The following PHF10 variants were observed in gnomAD, a reference collection of about 807,000 sequenced individuals.
PHF10 encodes the protein PHD finger protein 10.
PHF10 carries 51 observed loss-of-function variants against 68.5 expected under a neutral mutation model. That is an observed-to-expected ratio of 0.74 (90% CI 0.59 to 0.94). PHF10 has a LOEUF of 0.94. Ranked by LOEUF, PHF10 falls within the 40% of genes least tolerant of loss-of-function variation. PHF10 has a pLI of 0.00. For synonymous variants in PHF10, 204 were observed against 203.5 expected (o/e 1.00, Z -0.02); for missense variants, 460 against 602.6 (o/e 0.76, Z 2.48).
intron 9 of PHF10, chr6:169,709,160 C>G (rs1404307130): frequency 2.0e-5 from 3 of 150,814 alleles, no homozygotes; most frequent in African/African-American, 7.3e-5. Flanking sequence ...GCTTTTTTTA[C>G]TTGAAGAAAG....
rs899656396 is a variant in PHF10 at position 169,723,889 on chromosome 6, G to A, written c.43C>T (p.Pro15Ser). 9.2e-7 allele frequency: 1 copy of A among 1,090,664 alleles called. No homozygotes were observed. Among genetic ancestry groups the A allele is most frequent in the Non-Finnish European group, 1.1e-6 (1 of 895,260 alleles). 67.6% of individuals were successfully genotyped at this position (1,090,664 alleles called of 1,614,324 possible). A position where few individuals can be genotyped will look rare whatever the true frequency, so the allele number is the denominator to read the frequency against. Residue 15 changes from proline (P) to serine (S), a missense_variant, in exon 1 of 12, where the codon CCG becomes TCG. By Grantham distance (74) the Pro-to-Ser change is moderately conservative. This residue lies in a region of PHF10 where 93 missense variants were observed against 82.4 expected (regional missense o/e 1.13). Coordinates refer to ENST00000339209, the MANE Select transcript of PHF10 (RefSeq NM_018288.4). ...GGGGTGGCTGGGTCGCTGTCGCACG[G>A]CCGCGGGGACAGCGCAGCCCCGGGC... Reference protein sequence around the residue: ...AGPGAALSPRPCDSDPATPGA... With the variant: ...AGPGAALSPRSCDSDPATPGA...
intron 1 of PHF10, 64 bp downstream of exon 1, chr6:169,723,780 GC>G: frequency 2.0e-6 from 1 of 489,824 alleles, no homozygotes. Flanking sequence ...GTGGGACTGG[GC>G]CCACGCCCCG....
chr6:169,715,464 G>A (rs1227937253), intron 6 of PHF10, among the ~76,000 whole-genome samples: 3 of 152,140 alleles, frequency 2.0e-5, no homozygotes, highest in Non-Finnish European at 4.4e-5. Flanking sequence ...CTAATGGGGA[G>A]GCTGAGGCAG....
At chr6:169,713,072 C>T (rs1019987581) in intron 7 of PHF10, among the ~76,000 whole-genome samples, 1 of 152,158 alleles carries the variant, frequency 6.6e-6, no homozygotes, top group Non-Finnish European at 1.5e-5. Flanking sequence ...ATTTGGGAAG[C>T]ATGTATTCTA....
intron 8 of PHF10, among the ~76,000 whole-genome samples, chr6:169,710,868 C>T (rs567904730): frequency 6.6e-6 from 1 of 151,530 alleles, no homozygotes; most frequent in African/African-American, 2.4e-5. Flanking sequence ...TTCAAGTACA[C>T]ATTTGTGTTT....
intron 3 of PHF10, among the ~76,000 whole-genome samples, chr6:169,718,400 A>G (rs1789101028): frequency 6.6e-6 from 1 of 152,222 alleles, no homozygotes; most frequent in Non-Finnish European, 1.5e-5. Context: ...GGTGGCTCAC[A>G]CCTGTAATCC....
At chr6:169,720,601 G>A (rs1446548362) in intron 2 of PHF10, among the ~76,000 whole-genome samples, 1 of 152,064 alleles carries the variant, frequency 6.6e-6, no homozygotes, top group East Asian at 1.9e-4. Context: ...CTAAGTAGTC[G>A]TATTCACGGA....
At chr6:169,717,727 T>C in intron 4 of PHF10, 96 bp downstream of exon 4, 3 of 611,484 alleles carry the variant, frequency 4.9e-6, no homozygotes. Context: ...ATTTATTTTA[T>C]TAATTTTGTA....
chr6:169,706,711 G>GACAT (rs202098084), intron 9 of PHF10, among the ~76,000 whole-genome samples: 2,245 of 136,140 alleles, frequency 0.016, 65 homozygotes, highest in Non-Finnish European at 0.022. Flanking sequence ...GGGGTAAGGG[G>GACAT]ACATACATAC....
At chr6:169,721,915 C>A (rs1405184109) in intron 1 of PHF10, among the ~76,000 whole-genome samples, 1 of 152,162 alleles carries the variant, frequency 6.6e-6, no homozygotes, top group South Asian at 2.1e-4. Context: ...AAAATGAAAG[C>A]AATCCTGCAA....
rs773294273 is a variant in PHF10, at chr6:169,705,156, A to C, written c.1388T>G (p.Val463Gly). Residue 463 changes from valine to glycine, a missense_variant, in exon 11 of 12, where the codon GTG (valine) becomes GGG (glycine). Transcript: ENST00000339209. ...ACCTGATGGAATAGCACCAAGGCCC[A>C]CACAAAAAGTATGATAACCTCTGTC... ...MCDRGYHTFCVGLGAIPSGRW... is the reference protein window; with the variant it reads ...MCDRGYHTFCGGLGAIPSGRW... 19 of 1,610,418 alleles carry C rather than the reference A, an allele frequency of 1.2e-5. No individual in the cohort carries two copies. The highest frequency in any genetic ancestry group is 1.6e-5 in the Non-Finnish European group (19 of 1,178,302).
rs770115195 is a variant in PHF10, at chr6:169,712,462, G to A, written c.881C>T (p.Ala294Val). The change falls in exon 8 of 12, where the codon GCT (alanine) becomes GTT (valine). Residue 294 changes from alanine to valine, a missense_variant. Physicochemically the swap from Ala to Val is moderately conservative, Grantham distance 64 (BLOSUM62 0). Around this residue, in one of 3 missense-constraint regions of PHF10, gnomAD observed 256 missense variants for 410.5 expected, o/e 0.62. Coordinates refer to ENST00000339209, the MANE Select transcript of PHF10 (RefSeq NM_018288.4). Reference protein sequence around the residue: ...YEPPLDPELPALDSDGDSDDG... With the variant: ...YEPPLDPELPVLDSDGDSDDG... ...ATCTGAATCACCATCACTGTCTAGA[G>A]CAGGGAGCTCAGGATCCAGAGGGGG... 6.8e-6 allele frequency: 11 copies of A among 1,613,732 alleles called. No homozygotes were observed. The South Asian group carries it at 1.2e-4, about 18-fold the overall frequency.
intron 1 of PHF10, among the ~76,000 whole-genome samples, chr6:169,722,643 G>A (rs1204604143): frequency 6.6e-6 from 1 of 152,190 alleles, no homozygotes; most frequent in African/African-American, 2.4e-5. Context: ...TCTTGAGGGA[G>A]GTAGTAACAG....
chr6:169,704,973 AAAAGCTGGTGGAC>A, intron 11 of PHF10, 147 bp downstream of exon 11: 1 of 482,992 alleles, frequency 2.1e-6, no homozygotes, highest in South Asian at 5.9e-5. Context: ...TCTAGGGATG[AAAAGCTGGTGGAC>A]ATGACCTGTA....
chr6:169,720,017 C>CA (rs1456694497), intron 2 of PHF10, among the ~76,000 whole-genome samples: 1 of 151,826 alleles, frequency 6.6e-6, no homozygotes, highest in Non-Finnish European at 1.5e-5. Flanking sequence ...CTTGAATAGA[C>CA]ATGTCTCCAA....
chr6:169,720,932 G>C lies in PHF10; in HGVS notation c.194+73C>G, dbSNP rs1035880288. The stretch of plus-strand genomic sequence containing the variant: ...TAATAATTGCCTTTGCCAGAGCTGG[G>C]GGAAAGGGAAGAGGATGTTAAGGCA... On this transcript the variant is annotated intron_variant, in intron 2 of 11. Transcript: ENST00000339209. The C allele has an allele frequency of 1.5e-5, 11 of 742,934 alleles. No individual in the cohort carries two copies. The African/African-American group carries it at 1.8e-4, about 12-fold the overall frequency. The allele number at this position is 742,934 out of a possible 1,614,324, so 46.0% of individuals were successfully genotyped here.
chr6:169,710,222 C>CT lies in PHF10; in HGVS notation c.1113+13dup. On this transcript the variant is annotated intron_variant, in intron 9 of 11. Transcript: ENST00000339209. ...GTCAGTAAAGAAGCTGAGTCAGGGG[C>CT]TTTTTTCTTCTACCTTGTACCCAGG... The CT allele has an allele frequency of 6.4e-7, 1 of 1,569,168 alleles. No individual in the cohort carries two copies. Among genetic ancestry groups the CT allele is most frequent in the Non-Finnish European group, 8.6e-7 (1 of 1,162,130 alleles).
intron 2 of PHF10, 24 bp from the exon 3 acceptor site, chr6:169,718,942 G>A (rs1164734130): frequency 7.0e-7 from 1 of 1,434,586 alleles, no homozygotes; most frequent in Non-Finnish European, 9.7e-7. Flanking sequence ...TACATATTAT[G>A]CATTAAATGT....
intron 9 of PHF10, 135 bp from the exon 10 acceptor site, chr6:169,705,859 TG>T (rs2128328655): frequency 1.6e-6 from 1 of 636,712 alleles, no homozygotes. Context: ...AGACAAAACT[TG>T]ACAGGAGTCT....
Sources: allele counts gnomAD v4.1 joint callset (sites outside exome capture counted in the v4.1 genomes callset), GRCh38; gene constraint gnomAD v4.1.1; regional missense constraint gnomAD v4.1.1; transcripts MANE v1.5; gene names NCBI Gene and HGNC (gene_info 2026-07-23, HGNC 2026-07-21).